The following CAMK2B variants were observed in gnomAD, a reference collection of about 807,000 sequenced individuals.
CAMK2B encodes calcium/calmodulin-dependent protein kinase type II subunit beta.
CAMK2B carries 27 observed loss-of-function variants against 93.7 expected under a neutral mutation model. The observed-to-expected ratio is 0.29, with a 90% CI of 0.21 to 0.40. The LOEUF is 0.40. Among genes scored for constraint, CAMK2B ranks in the 10% least tolerant of loss-of-function variants. CAMK2B has a pLI of 1.00. For missense variants in CAMK2B, 568 were observed against 895.8 expected, an observed-to-expected ratio of 0.63 and a Z score of 4.67; for synonymous variants, 374 against 358.8, an observed-to-expected ratio of 1.04 and a Z score of -0.48.
chr7:44,228,696 G>A (rs2096545596), intron 19 of CAMK2B, 100 bp downstream of exon 19: 1 of 1,171,504 alleles, frequency 8.5e-7, no homozygotes, highest in Admixed American at 3.3e-5. Flanking sequence ...CCGGGGCAGG[G>A]TAGCTGGGCC....
chr7:44,307,598 G>C (rs73317778), intron 1 of CAMK2B, among the ~76,000 whole-genome samples: 17,159 of 151,968 alleles, frequency 0.11, 1,772 homozygotes, highest in East Asian at 0.35. Flanking sequence ...AGGCTGTCAC[G>C]CACATCAGGG....
At chr7:44,237,361 T>G (rs2096635794) in intron 13 of CAMK2B, among the ~76,000 whole-genome samples, 1 of 152,192 alleles carries the variant, frequency 6.6e-6, no homozygotes, top group African/African-American at 2.4e-5. Flanking sequence ...AAGTTCACAG[T>G]CCAGTGGGCA....
At chr7:44,323,622 G>A (rs531616627) in intron 1 of CAMK2B, among the ~76,000 whole-genome samples, 2 of 152,376 alleles carry the variant, frequency 1.3e-5, no homozygotes, top group Admixed American at 6.5e-5. Context: ...GCTGCAGTCT[G>A]AGGACACTGG....
Position 44,225,627 on chromosome 7 carries a change from C to G in CAMK2B, c.1597+889G>C. Reference sequence around the variant, plus strand: ...GCCCCTTTGAGCCTGCAGCCTGCATCCCCCTCCTCGAGCCGCTGCTCCTGT... The same window carrying G: ...GCCCCTTTGAGCCTGCAGCCTGCATGCCCCTCCTCGAGCCGCTGCTCCTGT... On this transcript the variant is annotated intron_variant, in intron 20 of 23. Coordinates refer to ENST00000395749, the MANE Select transcript of CAMK2B (RefSeq NM_001220.5). The surrounding 1 kb of genome is among the most constrained non-coding windows in gnomAD (Gnocchi z 5.0). 2 of 778,846 alleles carry G rather than the reference C, an allele frequency of 2.6e-6. No individual in the cohort carries two copies. The highest frequency in any genetic ancestry group is 3.7e-6 in the Non-Finnish European group (2 of 538,254). 48.2% of individuals were successfully genotyped at this position (778,846 alleles called of 1,614,324 possible).
rs2096553864 is a variant in CAMK2B, at chr7:44,229,234, G to A, written c.1339+154C>T. ...CAAAGAGGTGGGGCTCGATGGGCTG[G>A]GGCCACCCTGGAAAGCCCCAGTGAG... On this transcript the variant is annotated intron_variant, in intron 18 of 23. Transcript: ENST00000395749. The A allele has an allele frequency of 3.4e-5, 21 of 625,462 alleles. 1 individual carries two copies. The highest frequency in any genetic ancestry group is 2.3e-4 in the South Asian group (11 of 48,674). The allele number at this position is 625,462 out of a possible 1,614,324, so 38.7% of individuals were successfully genotyped here. A position where few individuals can be genotyped will look rare whatever the true frequency, so the allele number is the denominator to read the frequency against.
intron 19 of CAMK2B, among the ~76,000 whole-genome samples, chr7:44,227,999 G>A (rs370925583): frequency 3.5e-4 from 53 of 151,626 alleles, no homozygotes; most frequent in East Asian, 7.8e-4. Flanking sequence ...TGCGGACAGC[G>A]TGGTGCGTGG....
chr7:44,285,782 G>C (rs575556482), intron 1 of CAMK2B, among the ~76,000 whole-genome samples: 2 of 146,628 alleles, frequency 1.4e-5, no homozygotes, highest in Non-Finnish European at 3.0e-5. Context: ...CAGGAGATGT[G>C]GGGGGAGACC....
chr7:44,309,092 C>T (rs368883893), intron 1 of CAMK2B, among the ~76,000 whole-genome samples: 38 of 152,358 alleles, frequency 2.5e-4, no homozygotes, highest in Admixed American at 1.9e-3. Flanking sequence ...CTACCACCAA[C>T]GCGGATTCCA....
intron 1 of CAMK2B, among the ~76,000 whole-genome samples, chr7:44,295,404 C>T (rs1788026554): frequency 6.6e-6 from 1 of 152,248 alleles, no homozygotes; most frequent in Non-Finnish European, 1.5e-5. Flanking sequence ...GAGAGAATTA[C>T]AACTTGCCAT....
chr7:44,222,573 C>T (rs1326888488), intron 20 of CAMK2B, among the ~76,000 whole-genome samples: 3 of 152,070 alleles, frequency 2.0e-5, no homozygotes, highest in Non-Finnish European at 2.9e-5. Flanking sequence ...GTAGCTGGAA[C>T]TACAGGTGCA....
chr7:44,250,133 C>T (rs2096766426), intron 5 of CAMK2B, among the ~76,000 whole-genome samples: 1 of 152,254 alleles, frequency 6.6e-6, no homozygotes, highest in Admixed American at 6.5e-5. Context: ...GGCCAGGCTG[C>T]ACCCAGCAGG....
rs535872151 is a variant in CAMK2B, at chr7:44,255,064, A to C, written c.276-457T>G. Among the ~76,000 whole-genome samples, 8 of 151,994 alleles carry C rather than the reference A, an allele frequency of 5.3e-5. No individual in the cohort carries two copies. In the South Asian group the frequency reaches 1.7e-3, roughly 32 times the overall value. On this transcript the variant is annotated intron_variant, in intron 4 of 23. Transcript: ENST00000395749. ...TGAGAAGATCTGGTTTCCCCTCCTC[A>C]ATACTCTCCCACCCCCACTTAGGGC...
At chr7:44,234,802 G>T in intron 13 of CAMK2B, 126 bp from the exon 14 acceptor site, 1 of 1,007,940 alleles carries the variant, frequency 9.9e-7, no homozygotes, top group Non-Finnish European at 1.5e-6. Flanking sequence ...AGGCAAGTGT[G>T]GTTCCAGCAC....
intron 5 of CAMK2B, among the ~76,000 whole-genome samples, chr7:44,251,226 C>A (rs964972128): frequency 6.6e-6 from 1 of 152,204 alleles, no homozygotes; most frequent in Non-Finnish European, 1.5e-5. Flanking sequence ...TCTGTCTCAG[C>A]ACAACCCTGA....
At chr7:44,254,421 T>A in intron 5 of CAMK2B, 121 bp downstream of exon 5, 1 of 743,322 alleles carries the variant, frequency 1.3e-6, no homozygotes, top group South Asian at 1.6e-5. Flanking sequence ...CTCTGGGGTG[T>A]GGGTGAGCAG....
At chr7:44,315,129 T>C (rs1794555968) in intron 1 of CAMK2B, among the ~76,000 whole-genome samples, 3 of 152,238 alleles carry the variant, frequency 2.0e-5, no homozygotes, top group South Asian at 4.1e-4. Context: ...ATGCTTGTGG[T>C]GTCATATCTA....
chr7:44,241,438 G>A (rs111792065), intron 11 of CAMK2B, among the ~76,000 whole-genome samples: 3,607 of 152,338 alleles, frequency 0.024, 140 homozygotes, highest in African/African-American at 0.081. Context: ...CACAGCGAGC[G>A]CTTCAGGACA....
chr7:44,247,760 G>T (rs890157311), intron 5 of CAMK2B, among the ~76,000 whole-genome samples: 2 of 152,198 alleles, frequency 1.3e-5, no homozygotes, highest in African/African-American at 4.8e-5. Context: ...GGGCGCGGTG[G>T]TTCATACCTG....
intron 3 of CAMK2B, among the ~76,000 whole-genome samples, chr7:44,259,174 C>G (rs1263059467): frequency 6.6e-6 from 1 of 152,190 alleles, no homozygotes; most frequent in East Asian, 1.9e-4. Flanking sequence ...CCCTCAGCTG[C>G]CAGTGCCTCA....
Sources: allele counts gnomAD v4.1 joint callset (sites outside exome capture counted in the v4.1 genomes callset), GRCh38; gene constraint gnomAD v4.1.1; non-coding constraint Gnocchi (gnomAD v3.1); transcripts MANE v1.5; gene names NCBI Gene and HGNC (gene_info 2026-07-23, HGNC 2026-07-21).